Variants in SH3GL2 observed in about 807,000 individuals in gnomAD.
SH3GL2 encodes SH3 domain containing GRB2 like 2, endophilin A1.
SH3GL2 carries 24 observed loss-of-function variants against 46.0 expected under a neutral mutation model. The ratio of observed to expected loss-of-function variants is 0.52; its 90% CI spans 0.38 to 0.73. The LOEUF (loss-of-function observed/expected upper bound fraction) is 0.73, where lower values mean the gene tolerates loss of function less well. Among genes scored for constraint, SH3GL2 ranks in the 30% least tolerant of loss-of-function variants. SH3GL2 has a pLI of 0.00. For synonymous variants in SH3GL2, 196 were observed against 147.1 expected (o/e 1.33, Z -2.40); for missense variants, 413 against 424.2 (o/e 0.97, Z 0.23).
At chr9:17,795,099 A>G (rs1403003048) in intron 8 of SH3GL2, among the ~76,000 whole-genome samples, 1 of 152,182 alleles carries the variant, frequency 6.6e-6, no homozygotes. Context: ...CATGTAATTC[A>G]CCATACTTTT....
rs1288536481 is a variant in SH3GL2, at chr9:17,789,377, C to A, written c.466-15C>A. 3.7e-6 allele frequency: 6 copies of A among 1,611,532 alleles called. No homozygotes were observed. In the South Asian group the frequency reaches 4.4e-5, roughly 12 times the overall value. On this transcript the variant is annotated splice_polypyrimidine_tract_variant and intron_variant, in intron 5 of 8. Transcript: ENST00000380607. ...AAGCCCTTTCAAAGCCTATTCCTGC[C>A]CTTGACTTTTGCAGCATCATCTAAA...
At chr9:17,715,278 T>C (rs989358422) in intron 1 of SH3GL2, among the ~76,000 whole-genome samples, 9 of 151,554 alleles carry the variant, frequency 5.9e-5, no homozygotes, top group African/African-American at 1.9e-4. Flanking sequence ...GTTATGAATA[T>C]GATTTCCTTT....
intron 1 of SH3GL2, among the ~76,000 whole-genome samples, chr9:17,618,026 T>C (rs1208872851): frequency 6.6e-6 from 1 of 152,188 alleles, no homozygotes; most frequent in African/African-American, 2.4e-5. Flanking sequence ...TAAAATAAGC[T>C]GCACTACAGC....
intron 1 of SH3GL2, among the ~76,000 whole-genome samples, chr9:17,719,748 G>T (rs940932119): frequency 4.6e-5 from 7 of 150,628 alleles, no homozygotes; most frequent in Non-Finnish European, 7.4e-5. Flanking sequence ...AGCTATGATT[G>T]CATCACTGTA....
intron 3 of SH3GL2, among the ~76,000 whole-genome samples, chr9:17,771,485 C>T (rs1242648772): frequency 6.6e-6 from 1 of 152,156 alleles, no homozygotes; most frequent in African/African-American, 2.4e-5. Context: ...CTGCAGGACC[C>T]TTCTTACAAT....
chr9:17,686,914 A>G (rs1820926892), intron 1 of SH3GL2, among the ~76,000 whole-genome samples: 1 of 142,010 alleles, frequency 7.0e-6, no homozygotes, highest in African/African-American at 2.7e-5. Flanking sequence ...CAATGTGCAC[A>G]TGTACCCTAA....
At chr9:17,692,976 C>CAGCT (rs1821120230) in intron 1 of SH3GL2, among the ~76,000 whole-genome samples, 2 of 151,996 alleles carry the variant, frequency 1.3e-5, no homozygotes, top group Admixed American at 1.3e-4. Context: ...GGGGAGAGAC[C>CAGCT]AGCTATTCAG....
chr9:17,769,669 T>C (rs1444794183), intron 3 of SH3GL2, among the ~76,000 whole-genome samples: 1 of 152,070 alleles, frequency 6.6e-6, no homozygotes, highest in Non-Finnish European at 1.5e-5. Flanking sequence ...TTGAAAATAG[T>C]TTCTCCTCAT....
intron 1 of SH3GL2, among the ~76,000 whole-genome samples, chr9:17,628,401 C>T (rs1370254200): frequency 6.8e-6 from 1 of 146,748 alleles, no homozygotes; most frequent in Non-Finnish European, 1.5e-5. Context: ...GCCCAGATAA[C>T]TATATCTTGG....
chr9:17,747,978 C>A (rs548552738), intron 2 of SH3GL2, among the ~76,000 whole-genome samples: 3 of 152,164 alleles, frequency 2.0e-5, no homozygotes, highest in Admixed American at 6.5e-5. Context: ...CCAGCAGAGC[C>A]CCTTTTTAAG....
intron 3 of SH3GL2, among the ~76,000 whole-genome samples, chr9:17,761,999 A>G (rs1275756520): frequency 6.6e-6 from 1 of 152,170 alleles, no homozygotes; most frequent in Non-Finnish European, 1.5e-5. Context: ...CACATCACAG[A>G]TCAGCATTGG....
intron 1 of SH3GL2, among the ~76,000 whole-genome samples, chr9:17,669,940 A>G (rs879529292): frequency 9.9e-5 from 15 of 152,152 alleles, no homozygotes; most frequent in Non-Finnish European, 1.8e-4. Flanking sequence ...GGTCCCAGAA[A>G]AAGGGTTGCC....
chr9:17,637,625 T>C (rs1819570147), intron 1 of SH3GL2, among the ~76,000 whole-genome samples: 1 of 152,242 alleles, frequency 6.6e-6, no homozygotes, highest in Non-Finnish European at 1.5e-5. Flanking sequence ...CCTGTTTCTT[T>C]TGTTTACTAG....
chr9:17,632,341 T>C (rs1819447102), intron 1 of SH3GL2, among the ~76,000 whole-genome samples: 1 of 152,224 alleles, frequency 6.6e-6, no homozygotes, highest in Non-Finnish European at 1.5e-5. Flanking sequence ...TCTTTCCATC[T>C]TGGCCGACAT....
intron 2 of SH3GL2, among the ~76,000 whole-genome samples, chr9:17,759,744 C>T (rs1823113916): frequency 6.6e-6 from 1 of 152,114 alleles, no homozygotes; most frequent in African/African-American, 2.4e-5. Flanking sequence ...ATCAGGATAT[C>T]AAACAGCCAT....
chr9:17,639,584 A>G (rs1000668388), intron 1 of SH3GL2, among the ~76,000 whole-genome samples: 1 of 152,226 alleles, frequency 6.6e-6, no homozygotes, highest in Non-Finnish European at 1.5e-5. Flanking sequence ...TGGGAATGCA[A>G]GTTGGAAAAC....
At chr9:17,752,263 C>T (rs1222212149) in intron 2 of SH3GL2, among the ~76,000 whole-genome samples, 2 of 152,092 alleles carry the variant, frequency 1.3e-5, no homozygotes, top group Non-Finnish European at 2.9e-5. Flanking sequence ...CGGTTTTCAT[C>T]ATGTCTCTGT....
At chr9:17,710,082 C>G (rs752145352) in intron 1 of SH3GL2, among the ~76,000 whole-genome samples, 10 of 151,828 alleles carry the variant, frequency 6.6e-5, no homozygotes, top group Non-Finnish European at 1.5e-4. Flanking sequence ...ACCCTAAAAT[C>G]AGTTAGGGAA....
chr9:17,713,910 A>T (rs1239035902), intron 1 of SH3GL2, among the ~76,000 whole-genome samples: 1 of 151,714 alleles, frequency 6.6e-6, no homozygotes, highest in Non-Finnish European at 1.5e-5. Context: ...TTGATAGGAT[A>T]GTTCTAGTCT....
Sources: allele counts gnomAD v4.1 joint callset (sites outside exome capture counted in the v4.1 genomes callset), GRCh38; gene constraint gnomAD v4.1.1; transcripts MANE v1.5; gene names NCBI Gene and HGNC (gene_info 2026-07-23, HGNC 2026-07-21).